CPA6: variants seen among roughly 807,000 people sequenced by gnomAD.
CPA6 encodes the protein carboxypeptidase A6, also known as carboxypeptidase B.
A neutral mutation model predicts 63.3 loss-of-function variants in CPA6; 58 were observed. That is an observed-to-expected ratio of 0.92 (90% CI 0.74 to 1.14). CPA6 has a LOEUF of 1.14. Among genes scored for constraint, CPA6 ranks in the 50% most tolerant of loss-of-function variants. The pLI is 0.00. For missense variants in CPA6, 565 were observed against 526.6 expected, an observed-to-expected ratio of 1.07 and a Z score of -0.71; for synonymous variants, 185 against 179.0, an observed-to-expected ratio of 1.03 and a Z score of -0.27.
Position 67,704,149 on chromosome 8 carries a change from T to G in CPA6, c.116+41865A>C, listed in dbSNP as rs73683177. Among the ~76,000 whole-genome samples the G allele has an allele frequency of 7.2e-3, 1,101 of 152,310 alleles. 18 individuals are homozygous for G. Among genetic ancestry groups the G allele is most frequent in the African/African-American group, 0.025 (1,041 of 41,564 alleles). Reference sequence around the variant, plus strand: ...GAAGGCTTTCCATGAGTATTCCTCTTGCTTCTTCCCACTTCCTCCTGTAGC... The same window carrying G: ...GAAGGCTTTCCATGAGTATTCCTCTGGCTTCTTCCCACTTCCTCCTGTAGC... On this transcript the variant is annotated intron_variant, in intron 1 of 10. Coordinates refer to ENST00000297770, the MANE Select transcript of CPA6 (RefSeq NM_020361.5).
At chr8:67,524,739 A>G (rs965606749) in intron 2 of CPA6, among the ~76,000 whole-genome samples, 2 of 151,514 alleles carry the variant, frequency 1.3e-5, no homozygotes, top group African/African-American at 2.4e-5. Context: ...TGTTTCCCCC[A>G]TTCTCTGTGA....
In CPA6 at chr8:67,424,826, G is replaced by T. The variant is rs186343608; in HGVS notation, c.1127-2135C>A. On this transcript the variant is annotated intron_variant, in intron 10 of 10. Coordinates refer to ENST00000297770, the MANE Select transcript of CPA6 (RefSeq NM_020361.5). ...GTTTTTTGTTTTCCCCTCAGATCCC[G>T]CTTTCAAGGTCTCCACAGCCTTTAA... Among the ~76,000 whole-genome samples the T allele has an allele frequency of 1.6e-3, 237 of 152,122 alleles. 1 individual carries two copies. The highest frequency in any genetic ancestry group is 2.4e-3 in the Non-Finnish European group (160 of 67,994).
At chr8:67,720,718 C>T (rs7825508) in intron 1 of CPA6, among the ~76,000 whole-genome samples, 3,073 of 152,276 alleles carry the variant, frequency 0.02, 111 homozygotes, top group African/African-American at 0.069. Flanking sequence ...AATTTTATAT[C>T]GCCGCATTGT....
At chr8:67,643,783 A>G (rs1312208525) in intron 1 of CPA6, among the ~76,000 whole-genome samples, 2 of 152,230 alleles carry the variant, frequency 1.3e-5, no homozygotes, top group Non-Finnish European at 2.9e-5. Flanking sequence ...ATTTCATCAA[A>G]GAGAAAGAAT....
intron 2 of CPA6, among the ~76,000 whole-genome samples, chr8:67,617,929 T>G (rs961942815): frequency 1.1e-5 from 1 of 91,024 alleles, no homozygotes. Flanking sequence ...GCATGGCTGT[T>G]TGTTTTTGCA....
intron 1 of CPA6, among the ~76,000 whole-genome samples, chr8:67,679,926 A>C (rs1026034163): frequency 1.3e-5 from 2 of 152,086 alleles, no homozygotes; most frequent in Non-Finnish European, 2.9e-5. Context: ...AGACTTGGAG[A>C]TATGGTGTAT....
chr8:67,504,689 C>A (rs1310533290), intron 6 of CPA6, among the ~76,000 whole-genome samples: 2 of 152,208 alleles, frequency 1.3e-5, no homozygotes, highest in Non-Finnish European at 2.9e-5. Flanking sequence ...CCAGCTGACA[C>A]CTTGACTGTG....
intron 6 of CPA6, among the ~76,000 whole-genome samples, chr8:67,488,890 C>T (rs564622952): frequency 7.3e-4 from 111 of 152,236 alleles, no homozygotes; most frequent in African/African-American, 2.4e-3. Context: ...GTGATTTTTT[C>T]ACATTGATTT....
chr8:67,698,419 T>G (rs1816952363), intron 1 of CPA6, among the ~76,000 whole-genome samples: 1 of 152,220 alleles, frequency 6.6e-6, no homozygotes, highest in Admixed American at 6.5e-5. Context: ...GGCCCTCTTT[T>G]TTCCAGGAGA....
chr8:67,500,496 T>G (rs554184400), intron 6 of CPA6, among the ~76,000 whole-genome samples: 68 of 152,256 alleles, frequency 4.5e-4, no homozygotes, highest in African/African-American at 1.6e-3. Context: ...TTCATCCTCT[T>G]AACAGTTTTT....
intron 1 of CPA6, among the ~76,000 whole-genome samples, chr8:67,724,645 C>G (rs1448311204): frequency 6.6e-6 from 1 of 152,200 alleles, no homozygotes; most frequent in Admixed American, 6.5e-5. Context: ...ACTGAGACAA[C>G]CCAAGACAAA....
intron 1 of CPA6, among the ~76,000 whole-genome samples, chr8:67,728,967 A>G (rs1288478925): frequency 6.6e-6 from 1 of 152,228 alleles, no homozygotes; most frequent in Non-Finnish European, 1.5e-5. Context: ...ATTCTTGGAC[A>G]TTATAGAAAG....
intron 2 of CPA6, among the ~76,000 whole-genome samples, chr8:67,547,500 CT>C (rs565207722): frequency 0.09 from 12,095 of 134,746 alleles, 1,253 homozygotes; most frequent in African/African-American, 0.27. Context: ...GAATTATAGT[CT>C]TTTTTTTTTT....
At chr8:67,663,058 G>A (rs1300252322) in intron 1 of CPA6, among the ~76,000 whole-genome samples, 3 of 152,194 alleles carry the variant, frequency 2.0e-5, no homozygotes, top group Non-Finnish European at 4.4e-5. Flanking sequence ...TCCAGAAGAC[G>A]TCATGGCAAT....
At chr8:67,480,675 G>C (rs1811339144) in intron 8 of CPA6, among the ~76,000 whole-genome samples, 1 of 151,890 alleles carries the variant, frequency 6.6e-6, no homozygotes, top group African/African-American at 2.4e-5. Context: ...CATTTCTCTT[G>C]GGTATATATA....
intron 1 of CPA6, among the ~76,000 whole-genome samples, chr8:67,731,235 A>T (rs1270235456): frequency 1.3e-5 from 2 of 152,252 alleles, no homozygotes; most frequent in Non-Finnish European, 2.9e-5. Flanking sequence ...TTGCATTTGA[A>T]GGAAAAAAAC....
At chr8:67,595,916 C>A (rs34215422) in intron 2 of CPA6, among the ~76,000 whole-genome samples, 1 of 152,194 alleles carries the variant, frequency 6.6e-6, no homozygotes, top group Non-Finnish European at 1.5e-5. Flanking sequence ...GTCTGGCACT[C>A]CCCAGTGAGA....
intron 6 of CPA6, among the ~76,000 whole-genome samples, chr8:67,491,824 G>A (rs972723208): frequency 6.6e-6 from 1 of 151,978 alleles, no homozygotes; most frequent in African/African-American, 2.4e-5. Context: ...GTGAATTTTG[G>A]TTACCACTGC....
Position 67,568,120 on chromosome 8 carries a change from T to A in CPA6, c.193-50073A>T, listed in dbSNP as rs977021111. Among the ~76,000 whole-genome samples the A allele has an allele frequency of 9.2e-5, 14 of 152,192 alleles. 1 individual carries two copies. The East Asian group carries it at 2.5e-3, about 27-fold the overall frequency. On this transcript the variant is annotated intron_variant, in intron 2 of 10. Transcript: ENST00000297770. ...CCCGGGGTCAGTACGAGCTGGCCCA[T>A]CCACACTCATAGGCTAGACTAACTA...
Sources: gnomAD v4.1 joint callset for allele counts (sites outside exome capture counted in the v4.1 genomes callset) on GRCh38, gnomAD v4.1.1 for gene constraint, MANE v1.5 for transcripts, NCBI Gene and HGNC (gene_info 2026-07-23, HGNC 2026-07-21) for gene names.